Variants in IL1RAPL1 observed in about 807,000 individuals in gnomAD.
IL1RAPL1 encodes the protein interleukin-1 receptor accessory protein-like 1.
In IL1RAPL1, 3 loss-of-function variants were observed where a neutral mutation model predicts 48.4. That is an observed-to-expected ratio of 0.06 (90% confidence interval 0.03 to 0.16). The LOEUF (loss-of-function observed/expected upper bound fraction) is 0.16, where lower values mean the gene tolerates loss of function less well. Ranked by LOEUF, IL1RAPL1 falls within the 10% of genes least tolerant of loss-of-function variation. The probability of loss-of-function intolerance (pLI) is 1.00; values close to 1 mark genes in which losing one functional copy is unlikely to be tolerated. For synonymous variants in IL1RAPL1, 185 were observed against 187.7 expected, an observed-to-expected ratio of 0.99 and a Z score of 0.12; for missense variants, 349 against 530.6, an observed-to-expected ratio of 0.66 and a Z score of 3.36.
At chrX:29,215,282 G>T (rs1238949225) in intron 2 of IL1RAPL1, among the ~76,000 whole-genome samples, 1 of 108,856 alleles carries the variant, frequency 9.2e-6, no homozygotes, top group African/African-American at 3.4e-5. Flanking sequence ...GGCGGAGGTT[G>T]CAGTGAGCCG....
At chrX:29,630,197 T>G (rs776174594) in intron 5 of IL1RAPL1, among the ~76,000 whole-genome samples, 1 of 111,249 alleles carries the variant, frequency 9.0e-6, no homozygotes, top group East Asian at 2.8e-4. Flanking sequence ...CTCAAGACTC[T>G]TTTGTAAGGG....
intron 1 of IL1RAPL1, among the ~76,000 whole-genome samples, chrX:28,765,797 T>A (rs1936229156): frequency 1.8e-5 from 2 of 112,258 alleles, no homozygotes; most frequent in Admixed American, 1.9e-4. Context: ...AAATTCAAGA[T>A]TCCATAAAAT....
At chrX:29,617,410 G>A (rs1381365441) in intron 5 of IL1RAPL1, among the ~76,000 whole-genome samples, 1 of 112,228 alleles carries the variant, frequency 8.9e-6, no homozygotes, top group African/African-American at 3.2e-5. Flanking sequence ...TGCAATATGA[G>A]AAATGTGCAG....
At position 28,610,237 on chromosome X, in the gene IL1RAPL1, T is replaced by C. The variant is rs766128874; in HGVS notation, c.-25+22190T>C. Among the ~76,000 whole-genome samples, 8 of 112,343 alleles carry C rather than the reference T, an allele frequency of 7.1e-5. No homozygotes were observed. The South Asian group carries it at 3.0e-3, about 42-fold the overall frequency. On this transcript the variant is annotated intron_variant, in intron 1 of 10. Coordinates refer to ENST00000378993, the MANE Select transcript of IL1RAPL1 (RefSeq NM_014271.4). ...TCACCATGTCTGGGTTTTTTTCCCC[T>C]ACTCGACTTCATTCTCTCAGTTTCT...
At chrX:28,977,918 A>G (rs948959262) in intron 2 of IL1RAPL1, among the ~76,000 whole-genome samples, 23 of 112,040 alleles carry the variant, frequency 2.1e-4, no homozygotes, top group African/African-American at 7.5e-4. Flanking sequence ...AGCCGAGGTC[A>G]CGCCATTGCA....
rs1311860932 is a variant in IL1RAPL1, at chrX:29,323,730, T to TAATATATATATATATAAA, written c.362+40514_362+40515insATATATATATATATAAAA. Among the ~76,000 whole-genome samples, 12 of 5,184 alleles carry TAATATATATATATATAAA rather than the reference T, an allele frequency of 2.3e-3. 2 individuals are homozygous for TAATATATATATATATAAA. Among genetic ancestry groups the TAATATATATATATATAAA allele is most frequent in the African/African-American group, 0.011 (11 of 978 alleles). The allele number at this position is 5,184 out of a possible 115,157, so 4.5% of individuals were successfully genotyped here. ...TGAATTTTTTATATATATATATATA[T>TAATATATATATATATAAA]ATATATATATATATATATATATATA... On this transcript the variant is annotated intron_variant, in intron 3 of 10. Transcript: ENST00000378993.
Position 29,104,598 on chromosome X carries a change from C to T in IL1RAPL1, c.83-178340C>T, listed in dbSNP as rs764267664. ...CTACACTAAGCAATAATTTATTGTA[C>T]ATTTAAAAATAACTAAAAGAATATA... On this transcript the variant is annotated intron_variant, in intron 2 of 10. Transcript: ENST00000378993. Among the ~76,000 whole-genome samples the T allele has an allele frequency of 1.4e-4, 16 of 110,848 alleles. No homozygotes were observed. In the East Asian group the frequency reaches 4.5e-3, roughly 31 times the overall value.
chrX:29,607,652 A>G (rs1923938999), intron 5 of IL1RAPL1, among the ~76,000 whole-genome samples: 1 of 111,305 alleles, frequency 9.0e-6, no homozygotes, highest in Non-Finnish European at 1.9e-5. Flanking sequence ...CTGGGACTTA[A>G]TGATTCCACA....
intron 5 of IL1RAPL1, among the ~76,000 whole-genome samples, chrX:29,578,586 A>AT (rs1871601340): frequency 1.8e-5 from 2 of 111,897 alleles, no homozygotes; most frequent in Admixed American, 1.9e-4. Flanking sequence ...TAGGGAGATG[A>AT]TAATCAAATG....
chrX:29,074,950 A>G (rs1159739892), intron 2 of IL1RAPL1, among the ~76,000 whole-genome samples: 1 of 112,418 alleles, frequency 8.9e-6, no homozygotes, highest in African/African-American at 3.2e-5. Flanking sequence ...AGTTTAAAAC[A>G]GTTGGTTCAT....
intron 6 of IL1RAPL1, among the ~76,000 whole-genome samples, chrX:29,869,686 T>C (rs181954990): frequency 9.0e-6 from 1 of 111,426 alleles, no homozygotes; most frequent in East Asian, 2.8e-4. Context: ...CAGGGTAAGC[T>C]CTATACATTG....
chrX:29,145,740 T>A (rs1460812542), intron 2 of IL1RAPL1, among the ~76,000 whole-genome samples: 12 of 112,005 alleles, frequency 1.1e-4, no homozygotes, highest in Non-Finnish European at 2.3e-4. Flanking sequence ...CCCATCTCAG[T>A]TAATTGCATC....
At chrX:29,393,357 G>A (rs778423336) in intron 3 of IL1RAPL1, among the ~76,000 whole-genome samples, 191 of 111,943 alleles carry the variant, frequency 1.7e-3, no homozygotes, top group African/African-American at 5.9e-3. Context: ...TCCTGACCTC[G>A]TGATCCGCCC....
intron 5 of IL1RAPL1, among the ~76,000 whole-genome samples, chrX:29,631,013 A>G (rs1159317328): frequency 8.9e-6 from 1 of 111,993 alleles, no homozygotes; most frequent in Non-Finnish European, 1.9e-5. Flanking sequence ...TGTTTTTTCA[A>G]TATATTGAAC....
At chrX:28,869,743 A>G (rs953811413) in intron 2 of IL1RAPL1, among the ~76,000 whole-genome samples, 1 of 112,006 alleles carries the variant, frequency 8.9e-6, no homozygotes, top group Non-Finnish European at 1.9e-5. Context: ...TCACCCTCTT[A>G]AAGTTTAAAA....
At chrX:29,547,735 C>A (rs1259423732) in intron 5 of IL1RAPL1, among the ~76,000 whole-genome samples, 1 of 111,814 alleles carries the variant, frequency 8.9e-6, no homozygotes, top group African/African-American at 3.2e-5. Flanking sequence ...TCAATCAGTT[C>A]ACTAAATAAG....
At chrX:28,994,883 G>T (rs1925693578) in intron 2 of IL1RAPL1, among the ~76,000 whole-genome samples, 1 of 111,523 alleles carries the variant, frequency 9.0e-6, no homozygotes, top group African/African-American at 3.3e-5. Flanking sequence ...CTTTCTTAAA[G>T]CAAATTATAT....
chrX:29,526,423 A>T lies in IL1RAPL1; in HGVS notation c.703+127115A>T, dbSNP rs184188191. On this transcript the variant is annotated intron_variant, in intron 5 of 10. Coordinates refer to ENST00000378993, the MANE Select transcript of IL1RAPL1 (RefSeq NM_014271.4). ...GGAATAAGACAGGAATGAAATTAGAAAAGATAAATTAGAGGCATAAGAACT... is the reference window on the plus strand; with the variant it reads ...GGAATAAGACAGGAATGAAATTAGATAAGATAAATTAGAGGCATAAGAACT... Among the ~76,000 whole-genome samples, 154 of 111,830 alleles carry T rather than the reference A, an allele frequency of 1.4e-3. 1 individual carries two copies. The highest frequency in any genetic ancestry group is 4.5e-3 in the African/African-American group (138 of 30,826).
intron 2 of IL1RAPL1, among the ~76,000 whole-genome samples, chrX:29,088,198 G>T (rs762932989): frequency 8.9e-6 from 1 of 112,091 alleles, no homozygotes; most frequent in African/African-American, 3.2e-5. Flanking sequence ...ACCCAAGGTT[G>T]TGGCAATTAT....
Sources: allele counts gnomAD v4.1 joint callset (sites outside exome capture counted in the v4.1 genomes callset), GRCh38; gene constraint gnomAD v4.1.1; transcripts MANE v1.5; gene names NCBI Gene and HGNC (gene_info 2026-07-23, HGNC 2026-07-21).